PDZD2: variants seen among roughly 807,000 people sequenced by gnomAD.
The protein encoded by PDZD2 is PDZ domain containing 2.
Under a neutral mutation model 220.7 loss-of-function variants are expected in PDZD2, and 90 were observed. The observed-to-expected ratio is 0.41, with a 90% CI of 0.34 to 0.49. The LOEUF is 0.49. Ranked by LOEUF, PDZD2 falls within the 20% of genes least tolerant of loss-of-function variation. The probability of loss-of-function intolerance (pLI) is 0.28; values close to 1 mark genes in which losing one functional copy is unlikely to be tolerated. For synonymous variants in PDZD2, 1,375 were observed against 1,450.5 expected, an observed-to-expected ratio of 0.95 and a Z score of 1.18; for missense variants, 3,174 against 3,608.5, an observed-to-expected ratio of 0.88 and a Z score of 3.08.
intron 1 of PDZD2, among the ~76,000 whole-genome samples, chr5:31,719,304 A>G (rs1231265312): frequency 6.6e-6 from 1 of 152,128 alleles, no homozygotes; most frequent in East Asian, 1.9e-4. Context: ...GAAGTGTGCA[A>G]TCTATTAGGT....
rs115896481 is a variant in PDZD2, at chr5:32,033,219, G to T, written c.1408-4012G>T. ...AATGACATCATTTCCAGAACAGTTT[G>T]CTCTGTGCATTGGGAACAAAACCAC... On this transcript the variant is annotated intron_variant, in intron 6 of 24. Coordinates refer to ENST00000438447, the MANE Select transcript of PDZD2 (RefSeq NM_178140.4). 4.7e-3 allele frequency among the ~76,000 whole-genome samples: 719 copies of T among 152,288 alleles called. 5 individuals carry two copies. The highest frequency in any genetic ancestry group is 0.016 in the African/African-American group (680 of 41,570).
chr5:31,968,019 C>G (rs1401053539), intron 2 of PDZD2, among the ~76,000 whole-genome samples: 2 of 152,172 alleles, frequency 1.3e-5, no homozygotes, highest in Non-Finnish European at 1.5e-5. Flanking sequence ...AATGGTCTCT[C>G]CACCCGGAAT....
rs1042400482 is a variant in PDZD2 at position 31,649,644 on chromosome 5, T to C, written c.-361+10207T>C. Among the ~76,000 whole-genome samples, 9 of 152,146 alleles carry C rather than the reference T, an allele frequency of 5.9e-5. No homozygotes were observed. The East Asian group carries it at 1.4e-3, about 23-fold the overall frequency. ...GTTTCAAGGAAGAGGGTTTAAAATA[T>C]CAAGTCTCGGCTGGGCGCGGCAGCG... On this transcript the variant is annotated intron_variant, in intron 1 of 24. Coordinates refer to ENST00000438447, the MANE Select transcript of PDZD2 (RefSeq NM_178140.4).
At chr5:32,030,074 C>T (rs1186427641) in intron 6 of PDZD2, among the ~76,000 whole-genome samples, 1 of 152,214 alleles carries the variant, frequency 6.6e-6, no homozygotes, top group Non-Finnish European at 1.5e-5. Context: ...TTCACTTTGA[C>T]ATAAAAGTAA....
At chr5:31,644,814 T>G (rs1012584824) in intron 1 of PDZD2, among the ~76,000 whole-genome samples, 9 of 152,214 alleles carry the variant, frequency 5.9e-5, no homozygotes, top group Admixed American at 5.2e-4. Flanking sequence ...AGCCATTGAA[T>G]GAAACCAGAT....
At chr5:31,652,854 T>C (rs1308774753) in intron 1 of PDZD2, among the ~76,000 whole-genome samples, 1 of 152,028 alleles carries the variant, frequency 6.6e-6, no homozygotes, top group Non-Finnish European at 1.5e-5. Context: ...CTGCTAAAAA[T>C]ACAGAAAAGT....
intron 2 of PDZD2, among the ~76,000 whole-genome samples, chr5:31,881,543 A>T (rs1739926627): frequency 6.6e-6 from 1 of 151,230 alleles, no homozygotes; most frequent in Non-Finnish European, 1.5e-5. Context: ...ATGCCTGGCA[A>T]ATTTTATTGT....
chr5:31,898,808 C>CTTCTTTTTTTTTTTTTTTT (rs1741810550), intron 2 of PDZD2, among the ~76,000 whole-genome samples: 1 of 123,472 alleles, frequency 8.1e-6, no homozygotes, highest in African/African-American at 2.9e-5. Context: ...AGCCTCTCTT[C>CTTCTTTTTTTTTTTTTTTT]TTTTTTTTTT....
intron 1 of PDZD2, among the ~76,000 whole-genome samples, chr5:31,653,200 A>G (rs1001359762): frequency 1.3e-5 from 2 of 152,128 alleles, no homozygotes; most frequent in Admixed American, 6.5e-5. Context: ...TGAGGATGCA[A>G]ACTAGTCCAA....
chr5:31,703,975 CTT>C (rs1747713232), intron 1 of PDZD2, among the ~76,000 whole-genome samples: 2 of 140,428 alleles, frequency 1.4e-5, no homozygotes, highest in African/African-American at 5.1e-5. Flanking sequence ...CTCTCTCTCT[CTT>C]TCTTTCCTTT....
rs146532711 is a variant in PDZD2, at chr5:31,785,512, C to T, written c.-360-13377C>T. ...GGAGTGCGGTGGTATGAGCATATCTCTCACTGCAGCCTTAAACTACTGGGC... is the reference window on the plus strand; with the variant it reads ...GGAGTGCGGTGGTATGAGCATATCTTTCACTGCAGCCTTAAACTACTGGGC... On this transcript the variant is annotated intron_variant, in intron 1 of 24. Coordinates refer to ENST00000438447, the MANE Select transcript of PDZD2 (RefSeq NM_178140.4). Among the ~76,000 whole-genome samples, 39 of 151,824 alleles carry T rather than the reference C, an allele frequency of 2.6e-4. No individual in the cohort carries two copies. The East Asian group carries it at 7.5e-3, about 29-fold the overall frequency.
At chr5:32,091,828 G>T (rs1743186449) in intron 20 of PDZD2, among the ~76,000 whole-genome samples, 1 of 152,160 alleles carries the variant, frequency 6.6e-6, no homozygotes, top group Non-Finnish European at 1.5e-5. Flanking sequence ...GTTTACCAAA[G>T]TGTCGCTCTG....
chr5:32,053,868 G>A lies in PDZD2; in HGVS notation c.1885G>A (p.Gly629Arg), dbSNP rs757483152. 1.8e-5 allele frequency: 28 copies of A among 1,598,178 alleles called. No individual in the cohort carries two copies. Among genetic ancestry groups the A allele is most frequent in the South Asian group, 4.4e-5 (4 of 90,740 alleles). Reference protein sequence around the residue: ...IFPNGSAAEDGRLKEGDEILD... With the variant: ...IFPNGSAAEDRRLKEGDEILD... ...CCCAAATGGATCAGCTGCAGAGGACGGAAGACTTAAAGAAGGTAGGGGAAA... is the reference window on the plus strand; with the variant it reads ...CCCAAATGGATCAGCTGCAGAGGACAGAAGACTTAAAGAAGGTAGGGGAAA... The change falls in exon 10 of 25, where the codon GGA becomes AGA. Residue 629 changes from glycine (G) to arginine (R), a missense_variant. Gly to Arg is a moderately radical substitution (Grantham distance 125). Transcript: ENST00000438447.
At chr5:31,914,669 A>G (rs775390309) in intron 2 of PDZD2, among the ~76,000 whole-genome samples, 4 of 152,254 alleles carry the variant, frequency 2.6e-5, no homozygotes, top group Admixed American at 1.3e-4. Flanking sequence ...GGGTACTCCA[A>G]TGAAATCTGG....
intron 12 of PDZD2, among the ~76,000 whole-genome samples, chr5:32,058,692 A>T (rs1468529951): frequency 6.6e-6 from 1 of 151,420 alleles, no homozygotes; most frequent in African/African-American, 2.4e-5. Flanking sequence ...AAAAAAAAAA[A>T]ATTCACCGGT....
intron 1 of PDZD2, among the ~76,000 whole-genome samples, chr5:31,668,208 G>A (rs1746080673): frequency 6.6e-6 from 1 of 152,164 alleles, no homozygotes; most frequent in Non-Finnish European, 1.5e-5. Flanking sequence ...AGAGATGGAG[G>A]TCTGCTTTCC....
chr5:32,062,817 A>G (rs1279657015), intron 14 of PDZD2, among the ~76,000 whole-genome samples: 2 of 152,142 alleles, frequency 1.3e-5, no homozygotes, highest in African/African-American at 4.8e-5. Flanking sequence ...TTTAACGTGC[A>G]TTCACATTTT....
chr5:31,867,407 A>T (rs1163963479), intron 2 of PDZD2, among the ~76,000 whole-genome samples: 3 of 152,114 alleles, frequency 2.0e-5, no homozygotes, highest in Non-Finnish European at 4.4e-5. Flanking sequence ...TGAGTTAGTT[A>T]AAAGTTGTGT....
chr5:31,977,024 T>TG (rs1210174096), intron 2 of PDZD2, among the ~76,000 whole-genome samples: 2 of 149,154 alleles, frequency 1.3e-5, no homozygotes, highest in Non-Finnish European at 3.0e-5. Context: ...CCAGTTTTGT[T>TG]TTTTTTTTTT....
Sources: allele counts gnomAD v4.1 joint callset (sites outside exome capture counted in the v4.1 genomes callset), GRCh38; gene constraint gnomAD v4.1.1; transcripts MANE v1.5; gene names NCBI Gene and HGNC (gene_info 2026-07-23, HGNC 2026-07-21).